Variants in CLPTM1L observed in about 807,000 individuals in gnomAD.
CLPTM1L encodes CLPTM1 like.
A neutral mutation model predicts 70.9 loss-of-function variants in CLPTM1L; 38 were observed. The ratio of observed to expected loss-of-function variants is 0.54; its 90% CI spans 0.41 to 0.70. The LOEUF (loss-of-function observed/expected upper bound fraction) is 0.70, where lower values mean the gene tolerates loss of function less well. Ranked by LOEUF, CLPTM1L falls within the 30% of genes least tolerant of loss-of-function variation. CLPTM1L has a pLI of 0.00. For missense variants in CLPTM1L, 652 were observed against 705.9 expected, an observed-to-expected ratio of 0.92 and a Z score of 0.87; for synonymous variants, 339 against 299.9, an observed-to-expected ratio of 1.13 and a Z score of -1.35.
intron 5 of CLPTM1L, among the ~76,000 whole-genome samples, chr5:1,337,512 G>A (rs1346512452): frequency 6.6e-6 from 1 of 152,258 alleles, no homozygotes; most frequent in African/African-American, 2.4e-5. Context: ...GCCCTGGTGG[G>A]GAAAGCAGGA....
chr5:1,334,045 CAA>C (rs938401413), intron 7 of CLPTM1L, among the ~76,000 whole-genome samples: 1 of 152,144 alleles, frequency 6.6e-6, no homozygotes, highest in Non-Finnish European at 1.5e-5. Flanking sequence ...CAGCACAGCC[CAA>C]GTCGCCAAGG....
At chr5:1,337,725 C>T (rs898067936) in intron 5 of CLPTM1L, among the ~76,000 whole-genome samples, 179 bp downstream of exon 5, 8 of 152,336 alleles carry the variant, frequency 5.3e-5, no homozygotes, top group Admixed American at 4.6e-4. Flanking sequence ...CCCAGCACAC[C>T]ACCAGGGCCC....
chr5:1,342,054 G>GCGCGCA lies in CLPTM1L; in HGVS notation c.264-195_264-194insTGCGCG, dbSNP rs1553974621. Among the ~76,000 whole-genome samples, 17 of 149,582 alleles carry GCGCGCA rather than the reference G, an allele frequency of 1.1e-4. No individual in the cohort carries two copies. Among genetic ancestry groups the GCGCGCA allele is most frequent in the African/African-American group, 4.2e-4 (17 of 40,878 alleles). The stretch of plus-strand genomic sequence containing the variant: ...TGTGTGTGTGTGCACGCGCACGCGT[G>GCGCGCA]CGCGTCCTGAGAACTCGGCACAGGT... On this transcript the variant is annotated intron_variant, in intron 2 of 16. Transcript: ENST00000320895. This position sits in a 1 kb window ranked among gnomAD's most constrained non-coding sequence, Gnocchi z 4.3.
intron 15 of CLPTM1L, 83 bp from the exon 16 acceptor site, chr5:1,320,814 G>A (rs926190838): frequency 2.8e-6 from 2 of 717,164 alleles, no homozygotes; most frequent in Admixed American, 2.9e-5. Flanking sequence ...CCAAGCCAAC[G>A]GCTTTTGGCA....
intron 7 of CLPTM1L, among the ~76,000 whole-genome samples, chr5:1,334,066 G>A (rs190660729): frequency 2.6e-3 from 393 of 152,258 alleles, no homozygotes; most frequent in Non-Finnish European, 3.9e-3. Context: ...GGCTGTGGAC[G>A]GAGCTTTATG....
At chr5:1,326,108 GC>G in intron 9 of CLPTM1L, 1 of 412,016 alleles carries the variant, frequency 2.4e-6, no homozygotes, top group Non-Finnish European at 4.4e-6. Flanking sequence ...ACCCAAATAA[GC>G]CCCCACCTAC....
At chr5:1,325,671 G>T in intron 10 of CLPTM1L, 80 bp downstream of exon 10, 1 of 1,165,696 alleles carries the variant, frequency 8.6e-7, no homozygotes, top group Non-Finnish European at 1.3e-6. Context: ...TCTGCAGATG[G>T]CCATCTTACT....
intron 16 of CLPTM1L, 85 bp downstream of exon 16, chr5:1,320,531 G>C (rs1356607272): frequency 3.6e-5 from 24 of 663,232 alleles, no homozygotes; most frequent in Admixed American, 7.5e-5. Context: ...AACAGGCGCA[G>C]GGTGCGGTGA....
At chr5:1,335,834 C>CCCACACCCTACAGCACGTGGGCAGTGA (rs1753542095) in intron 5 of CLPTM1L, among the ~76,000 whole-genome samples, 2 of 152,190 alleles carry the variant, frequency 1.3e-5, no homozygotes, top group Non-Finnish European at 2.9e-5. Flanking sequence ...CAAGCGCGAG[C>CCCACACCCTACAGCACGTGGGCAGTGA]CCACACCCTA....
intron 15 of CLPTM1L, among the ~76,000 whole-genome samples, chr5:1,321,347 G>C (rs920348723): frequency 3.3e-5 from 5 of 152,200 alleles, no homozygotes; most frequent in African/African-American, 1.2e-4. Context: ...AGCCACAGGG[G>C]GTCTGTGTCT....
rs147347974 is a variant in CLPTM1L at position 1,334,798 on chromosome 5, C to T, written c.796+259G>A. ...ACAAACAAACAATAAAAATAAATCT[C>T]ATCAACAGTTAAGGTTCATTTGACC... On this transcript the variant is annotated intron_variant, in intron 6 of 16. Coordinates refer to ENST00000320895, the MANE Select transcript of CLPTM1L (RefSeq NM_030782.5). Among the ~76,000 whole-genome samples, 1,017 of 152,002 alleles carry T rather than the reference C, an allele frequency of 6.7e-3. 7 individuals carry two copies. The highest frequency in any genetic ancestry group is 0.023 in the African/African-American group (947 of 41,472).
intron 5 of CLPTM1L, among the ~76,000 whole-genome samples, chr5:1,336,953 G>A (rs966259157): frequency 3.3e-5 from 5 of 152,150 alleles, no homozygotes; most frequent in Non-Finnish European, 7.4e-5. Context: ...GCACCCCCCC[G>A]CTAGCAAGCC....
chr5:1,341,948 T>C lies in CLPTM1L; in HGVS notation c.264-88A>G, dbSNP rs1191109135. On this transcript the variant is annotated intron_variant, in intron 2 of 16. Transcript: ENST00000320895. ...AAATACCTTTATAAAGCTGCTTCAATAAACTAATTTTAGCTCAGAAGTACT... is the reference window on the plus strand; with the variant it reads ...AAATACCTTTATAAAGCTGCTTCAACAAACTAATTTTAGCTCAGAAGTACT... 5 of 1,086,676 alleles carry C rather than the reference T, an allele frequency of 4.6e-6. No individual in the cohort carries two copies. In the African/African-American group the frequency reaches 4.8e-5, roughly 10 times the overall value. 67.3% of individuals were successfully genotyped at this position (1,086,676 alleles called of 1,614,324 possible).
intron 7 of CLPTM1L, 123 bp from the exon 8 acceptor site, chr5:1,332,006 G>A (rs943250292): frequency 1.3e-6 from 1 of 778,526 alleles, no homozygotes; most frequent in Non-Finnish European, 2.2e-6. Context: ...GGATGCATCA[G>A]GATAAGTGTC....
intron 16 of CLPTM1L, 49 bp downstream of exon 16, chr5:1,320,567 C>A (rs753682807): frequency 5.8e-6 from 6 of 1,028,766 alleles, no homozygotes; most frequent in Non-Finnish European, 8.4e-6. Context: ...TCAGCAGCAG[C>A]CACGCCGCTG....
chr5:1,329,121 GCTAGGCT>G (rs1431384300), intron 9 of CLPTM1L, among the ~76,000 whole-genome samples: 1 of 152,288 alleles, frequency 6.6e-6, no homozygotes, highest in Non-Finnish European at 1.5e-5. Context: ...TCAGTGAGGA[GCTAGGCT>G]TAAGCCTGGG....
In CLPTM1L at chr5:1,335,186, A is replaced by G; in HGVS notation, c.679-12T>C. On this transcript the variant is annotated splice_polypyrimidine_tract_variant and intron_variant, in intron 5 of 16. Coordinates refer to ENST00000320895, the MANE Select transcript of CLPTM1L (RefSeq NM_030782.5). ...GAGCGGTTTATGACCTGATGAAGAA[A>G]GCCACACTGAGGGCCCTGCCCTCAT... The G allele has an allele frequency of 6.2e-7, 1 of 1,605,188 alleles. No individual in the cohort carries two copies. The highest frequency in any genetic ancestry group is 1.3e-5 in the African/African-American group (1 of 74,898).
At chr5:1,335,366 C>T (rs979678042) in intron 5 of CLPTM1L, among the ~76,000 whole-genome samples, 192 bp from the exon 6 acceptor site, 1 of 152,230 alleles carries the variant, frequency 6.6e-6, no homozygotes, top group Non-Finnish European at 1.5e-5. Context: ...TGCTGCGTTC[C>T]AGCACAGGGA....
chr5:1,344,280 A>G lies in CLPTM1L; in HGVS notation c.263+71T>C, dbSNP rs1387742904. On this transcript the variant is annotated intron_variant, in intron 2 of 16. Coordinates refer to ENST00000320895, the MANE Select transcript of CLPTM1L (RefSeq NM_030782.5). ...TAAAATAAACATGTTATGTACAGAA[A>G]GCTAACTTTTAAACAATCTGAACAT... is the stretch of plus-strand genomic sequence containing the variant. 47 of 1,034,722 alleles carry G rather than the reference A, an allele frequency of 4.5e-5. No homozygotes were observed. The East Asian group carries it at 8.4e-4, about 19-fold the overall frequency. The allele number at this position is 1,034,722 out of a possible 1,614,324, so 64.1% of individuals were successfully genotyped here.
Sources: allele counts gnomAD v4.1 joint callset (sites outside exome capture counted in the v4.1 genomes callset), GRCh38; gene constraint gnomAD v4.1.1; non-coding constraint Gnocchi (gnomAD v3.1); transcripts MANE v1.5; gene names NCBI Gene and HGNC (gene_info 2026-07-23, HGNC 2026-07-21).